The following ASIC2 variants were observed in gnomAD, a reference collection of about 807,000 sequenced individuals.
ASIC2 encodes the protein acid-sensing ion channel 2.
In ASIC2, 25 loss-of-function variants were observed where a neutral mutation model predicts 57.3. The ratio of observed to expected loss-of-function variants is 0.44; its 90% CI spans 0.32 to 0.61. The LOEUF (loss-of-function observed/expected upper bound fraction) is 0.61, where lower values mean the gene tolerates loss of function less well. ASIC2 is among the 20% of genes least tolerant of loss of function. The pLI is 0.06. For synonymous variants in ASIC2, 319 were observed against 307.5 expected, an observed-to-expected ratio of 1.04 and a Z score of -0.39; for missense variants, 641 against 738.1, an observed-to-expected ratio of 0.87 and a Z score of 1.52.
intron 1 of ASIC2, among the ~76,000 whole-genome samples, chr17:33,814,172 G>A (rs1050463420): frequency 5.9e-5 from 9 of 152,100 alleles, no homozygotes; most frequent in African/African-American, 9.7e-5. Flanking sequence ...AGGAGATTCC[G>A]CCTTTTAAAG....
At chr17:33,520,537 C>T (rs866466837) in intron 1 of ASIC2, among the ~76,000 whole-genome samples, 11 of 152,188 alleles carry the variant, frequency 7.2e-5, no homozygotes, top group Middle Eastern at 3.2e-3. Context: ...CAGTCCAGTA[C>T]AGTCGTATTA....
At chr17:33,789,054 C>T (rs975015547) in intron 1 of ASIC2, among the ~76,000 whole-genome samples, 2 of 152,166 alleles carry the variant, frequency 1.3e-5, no homozygotes, top group Admixed American at 1.3e-4. Flanking sequence ...AAGTGTGTAA[C>T]ACCTTCCCAT....
At chr17:33,452,288 G>T (rs1019674526) in intron 1 of ASIC2, among the ~76,000 whole-genome samples, 3 of 152,206 alleles carry the variant, frequency 2.0e-5, no homozygotes, top group African/African-American at 7.2e-5. Context: ...TGGCCTCTTT[G>T]AACCTCAGTT....
chr17:33,817,174 T>TG (rs1912609339), intron 1 of ASIC2, among the ~76,000 whole-genome samples: 2 of 152,216 alleles, frequency 1.3e-5, no homozygotes, highest in African/African-American at 4.8e-5. Context: ...CTAGGTGGTG[T>TG]GGGCAGCTGG....
At chr17:33,802,328 T>G (rs904843444) in intron 1 of ASIC2, among the ~76,000 whole-genome samples, 1 of 152,230 alleles carries the variant, frequency 6.6e-6, no homozygotes, top group Non-Finnish European at 1.5e-5. Context: ...CCACCTAAGT[T>G]TGTGTCAGTA....
chr17:33,985,001 C>T (rs1905765998), intron 1 of ASIC2, among the ~76,000 whole-genome samples: 2 of 152,166 alleles, frequency 1.3e-5, no homozygotes, highest in Admixed American at 1.3e-4. Flanking sequence ...AAGAAAGTGG[C>T]ATTTGGGGAC....
chr17:33,578,864 C>T (rs1026516713), intron 1 of ASIC2, among the ~76,000 whole-genome samples: 1 of 152,188 alleles, frequency 6.6e-6, no homozygotes, highest in Admixed American at 6.5e-5. Flanking sequence ...GGGTCTGTGA[C>T]CTGAAACAGT....
chr17:34,126,838 T>C (rs1030572599), intron 1 of ASIC2, among the ~76,000 whole-genome samples: 8 of 152,166 alleles, frequency 5.3e-5, no homozygotes, highest in African/African-American at 1.9e-4. Context: ...CCTGAGGCGC[T>C]GCATTTCTAC....
intron 1 of ASIC2, among the ~76,000 whole-genome samples, chr17:34,068,753 T>C (rs1041186000): frequency 5.9e-5 from 9 of 152,164 alleles, no homozygotes; most frequent in African/African-American, 2.2e-4. Context: ...TGCCTTTCTG[T>C]TGATAGATGC....
At chr17:34,129,035 A>G (rs895661180) in intron 1 of ASIC2, among the ~76,000 whole-genome samples, 2 of 151,992 alleles carry the variant, frequency 1.3e-5, no homozygotes, top group Non-Finnish European at 2.9e-5. Flanking sequence ...AGAACACTCT[A>G]AAGATCAGTG....
At chr17:33,432,813 C>T (rs1270405287) in intron 1 of ASIC2, among the ~76,000 whole-genome samples, 1 of 152,146 alleles carries the variant, frequency 6.6e-6, no homozygotes. Context: ...AGCTCAACAT[C>T]TCTGACCATC....
At chr17:34,076,056 G>C (rs982406558) in intron 1 of ASIC2, among the ~76,000 whole-genome samples, 2 of 151,708 alleles carry the variant, frequency 1.3e-5, no homozygotes, top group Non-Finnish European at 2.9e-5. Flanking sequence ...AGGCTGGAGT[G>C]CAGTGGCATG....
At chr17:33,299,936 A>G (rs557313054) in intron 1 of ASIC2, among the ~76,000 whole-genome samples, 1 of 152,350 alleles carries the variant, frequency 6.6e-6, no homozygotes, top group East Asian at 1.9e-4. Flanking sequence ...GACTTGCTGT[A>G]AATCACACCG....
intron 1 of ASIC2, among the ~76,000 whole-genome samples, chr17:33,555,514 T>C (rs7224916): frequency 0.57 from 86,118 of 151,816 alleles, 25,568 homozygotes; most frequent in African/African-American, 0.75. Flanking sequence ...AAATGAAAAG[T>C]GGAAAAATAA....
At chr17:33,793,215 A>G (rs1016776436) in intron 1 of ASIC2, among the ~76,000 whole-genome samples, 1 of 152,268 alleles carries the variant, frequency 6.6e-6, no homozygotes, top group Non-Finnish European at 1.5e-5. Flanking sequence ...ATAGTAATTC[A>G]TAGGTTTTCT....
intron 1 of ASIC2, among the ~76,000 whole-genome samples, chr17:33,900,615 C>T (rs1453640773): frequency 2.1e-4 from 1 of 4,860 alleles, no homozygotes; most frequent in Non-Finnish European, 1.6e-3. Flanking sequence ...AAGTACTTAA[C>T]CTCACAACTC....
chr17:33,097,360 A>G (rs2092186322), intron 2 of ASIC2, among the ~76,000 whole-genome samples: 2 of 152,078 alleles, frequency 1.3e-5, no homozygotes, highest in Admixed American at 1.3e-4. Context: ...ATTACATTTC[A>G]TTTTATTTTT....
At chr17:33,926,426 A>C (rs2141968457) in intron 1 of ASIC2, among the ~76,000 whole-genome samples, 1 of 152,316 alleles carries the variant, frequency 6.6e-6, no homozygotes, top group Non-Finnish European at 1.5e-5. Flanking sequence ...AAGTCTAAGC[A>C]CAAAATTTAT....
chr17:33,087,366 T>C (rs895128123), intron 3 of ASIC2, among the ~76,000 whole-genome samples: 3 of 152,016 alleles, frequency 2.0e-5, no homozygotes, highest in Admixed American at 6.6e-5. Flanking sequence ...GTTTCTGGGA[T>C]CCCATAGAGG....
Sources: allele counts gnomAD v4.1 joint callset (sites outside exome capture counted in the v4.1 genomes callset), GRCh38; gene constraint gnomAD v4.1.1; transcripts MANE v1.5; gene names NCBI Gene and HGNC (gene_info 2026-07-23, HGNC 2026-07-21).